SERPINE2: variants seen among roughly 807,000 people sequenced by gnomAD.
SERPINE2 encodes glia-derived nexin.
In SERPINE2, 14 loss-of-function variants were observed where a neutral mutation model predicts 36.3. The observed-to-expected ratio is 0.39, with a 90% CI of 0.25 to 0.60. The LOEUF is 0.60. SERPINE2 is among the 20% of genes least tolerant of loss of function. The pLI is 0.57. For missense variants in SERPINE2, 418 were observed against 499.6 expected, an observed-to-expected ratio of 0.84 and a Z score of 1.56; for synonymous variants, 192 against 191.8, an observed-to-expected ratio of 1.00 and a Z score of -0.01.
chr2:223,992,010 C>G lies in SERPINE2; in HGVS notation c.488-10G>C. On this transcript the variant is annotated splice_polypyrimidine_tract_variant and intron_variant, in intron 3 of 8. Coordinates refer to ENST00000409304, the MANE Select transcript of SERPINE2 (RefSeq NM_001136528.2). ...AGATTGTCAATCATATCTGTGAAGC[C>G]AAAGAACAAACAAGGGAAAAATAAC... 1 of 1,612,866 alleles carries G rather than the reference C, an allele frequency of 6.2e-7. No homozygotes were observed. Among genetic ancestry groups the G allele is most frequent in the Middle Eastern group, 1.7e-4 (1 of 6,058 alleles).
chr2:224,025,610 A>G (rs987503607), intron 1 of SERPINE2, among the ~76,000 whole-genome samples: 1 of 152,212 alleles, frequency 6.6e-6, no homozygotes, highest in Non-Finnish European at 1.5e-5. Context: ...CCATGAAGCA[A>G]TTTAGCTCAC....
intron 3 of SERPINE2, among the ~76,000 whole-genome samples, chr2:223,993,739 C>A (rs751828160): frequency 6.6e-6 from 1 of 152,118 alleles, no homozygotes; most frequent in Non-Finnish European, 1.5e-5. Context: ...TTACATAAAT[C>A]ATGATAAATA....
intron 3 of SERPINE2, among the ~76,000 whole-genome samples, chr2:223,994,937 T>C (rs142742069): frequency 1.3e-5 from 2 of 152,350 alleles, no homozygotes; most frequent in East Asian, 1.9e-4. Flanking sequence ...CCCAAGGTTA[T>C]ACAGGTAGTA....
chr2:224,027,010 A>T (rs1692209627), intron 1 of SERPINE2, among the ~76,000 whole-genome samples: 1 of 152,204 alleles, frequency 6.6e-6, no homozygotes, highest in Non-Finnish European at 1.5e-5. Context: ...TTTAGTGGAG[A>T]GTCAAGTAAA....
At chr2:224,029,825 A>G (rs369235182) in intron 1 of SERPINE2, among the ~76,000 whole-genome samples, 19 of 152,266 alleles carry the variant, frequency 1.2e-4, no homozygotes, top group African/African-American at 4.6e-4. Flanking sequence ...CAGCCTCCCA[A>G]GTAGCTGGGA....
chr2:224,001,100 A>C (rs10203588), intron 2 of SERPINE2, among the ~76,000 whole-genome samples: 28,860 of 152,142 alleles, frequency 0.19, 2,814 homozygotes, highest in Middle Eastern at 0.21. Context: ...AGGTCAGTCC[A>C]CAGGGTGCAT....
chr2:224,028,868 G>A (rs745395530), intron 1 of SERPINE2, among the ~76,000 whole-genome samples: 2 of 152,226 alleles, frequency 1.3e-5, no homozygotes, highest in Admixed American at 6.5e-5. Context: ...GAAAACACAC[G>A]CAGAACCAGA....
At chr2:224,001,091 G>T (rs928012923) in intron 2 of SERPINE2, among the ~76,000 whole-genome samples, 2 of 152,162 alleles carry the variant, frequency 1.3e-5, no homozygotes, top group Non-Finnish European at 2.9e-5. Flanking sequence ...ATTTCCATCA[G>T]GTCAGTCCAC....
chr2:223,993,326 C>G (rs1174566525), intron 3 of SERPINE2, among the ~76,000 whole-genome samples: 1 of 152,116 alleles, frequency 6.6e-6, no homozygotes, highest in Non-Finnish European at 1.5e-5. Context: ...AAGAGCCTTC[C>G]AAAATGCTAC....
At chr2:224,003,007 A>G (rs1691246526) in intron 1 of SERPINE2, among the ~76,000 whole-genome samples, 1 of 152,148 alleles carries the variant, frequency 6.6e-6, no homozygotes, top group Admixed American at 6.5e-5. Context: ...GAGCACAATG[A>G]TAAAATACAG....
chr2:224,015,743 T>C (rs766055823), intron 1 of SERPINE2, among the ~76,000 whole-genome samples: 1 of 152,128 alleles, frequency 6.6e-6, no homozygotes, highest in East Asian at 1.9e-4. Context: ...AAGTTGACAT[T>C]AAAAGCCTGA....
At chr2:224,009,199 C>T (rs1574836740) in intron 1 of SERPINE2, among the ~76,000 whole-genome samples, 1 of 152,166 alleles carries the variant, frequency 6.6e-6, no homozygotes, top group Non-Finnish European at 1.5e-5. Flanking sequence ...CTCCCCGCCC[C>T]TCAGTGAAAG....
chr2:223,996,820 T>A (rs1559203423), intron 3 of SERPINE2, among the ~76,000 whole-genome samples: 1 of 152,218 alleles, frequency 6.6e-6, no homozygotes, highest in Non-Finnish European at 1.5e-5. Flanking sequence ...CTCATGCCTA[T>A]AATCCCAGCA....
At position 224,019,882 on chromosome 2, in the gene SERPINE2, G is replaced by A. The variant is rs118066413; in HGVS notation, c.-22-17960C>T. On this transcript the variant is annotated intron_variant, in intron 1 of 8. Transcript: ENST00000409304. The stretch of plus-strand genomic sequence containing the variant: ...GGGGCTATCCTGTGTATTGCAGAAT[G>A]TTTAGCAGTATTCCTGGCCTTTACT... Among the ~76,000 whole-genome samples, 794 of 151,332 alleles carry A rather than the reference G, an allele frequency of 5.2e-3. 16 individuals carry two copies. Among genetic ancestry groups the A allele is most frequent in the South Asian group, 0.052 (250 of 4,800 alleles).
intron 1 of SERPINE2, among the ~76,000 whole-genome samples, chr2:224,015,127 C>A (rs1022923152): frequency 6.6e-6 from 1 of 152,158 alleles, no homozygotes; most frequent in Non-Finnish European, 1.5e-5. Context: ...CCACAATGCA[C>A]AAGACAGCCG....
Position 223,982,699 on chromosome 2 carries a change from T to C in SERPINE2, c.967A>G (p.Asn323Asp). The change falls in exon 6 of 9, where the codon AAT becomes GAT. Residue 323 changes from asparagine to aspartate, a missense_variant. Asn to Asp is a conservative substitution (Grantham distance 23). Coordinates refer to ENST00000409304, the MANE Select transcript of SERPINE2 (RefSeq NM_001136528.2). ...AACATACTTGTTATTTTTGCAAAAT[T>C]TGCCTTTGATGAATCAAACATGTCA... ...ITDMFDSSKA[N>D]FAKITRSENL... 6.2e-7 allele frequency: 1 copy of C among 1,612,856 alleles called. No homozygotes were observed. Among genetic ancestry groups the C allele is most frequent in the Non-Finnish European group, 8.5e-7 (1 of 1,179,374 alleles).
intron 2 of SERPINE2, among the ~76,000 whole-genome samples, chr2:224,000,169 C>T (rs1215022459): frequency 1.3e-5 from 2 of 152,144 alleles, no homozygotes; most frequent in Non-Finnish European, 2.9e-5. Flanking sequence ...TCAGAACTTT[C>T]GGGCCAGCCT....
rs190812708 is a variant in SERPINE2, at chr2:224,007,533, T to C, written c.-22-5611A>G. Among the ~76,000 whole-genome samples the C allele has an allele frequency of 3.3e-3, 502 of 152,334 alleles. 3 individuals carry two copies. The highest frequency in any genetic ancestry group is 0.011 in the African/African-American group (473 of 41,578). On this transcript the variant is annotated intron_variant, in intron 1 of 8. Coordinates refer to ENST00000409304, the MANE Select transcript of SERPINE2 (RefSeq NM_001136528.2). Reference sequence around the variant, plus strand: ...AGACATCATATAATATCATTCAAAATAATTTCAACATATAGACTCAGCCTA... The same window carrying C: ...AGACATCATATAATATCATTCAAAACAATTTCAACATATAGACTCAGCCTA...
chr2:224,008,452 T>TTGACCAGAGGGTTC (rs1164254233), intron 1 of SERPINE2, among the ~76,000 whole-genome samples: 106 of 152,364 alleles, frequency 7.0e-4, no homozygotes, highest in African/African-American at 2.3e-3. Flanking sequence ...AATAGGTTGA[T>TTGACCAGAGGGTTC]TGACCAGAGG....
Sources: gnomAD v4.1 joint callset for allele counts (sites outside exome capture counted in the v4.1 genomes callset) on GRCh38, gnomAD v4.1.1 for gene constraint, MANE v1.5 for transcripts, NCBI Gene and HGNC (gene_info 2026-07-23, HGNC 2026-07-21) for gene names.